The following ASPM variants were observed in gnomAD, a reference collection of about 807,000 sequenced individuals.
The protein encoded by ASPM is assembly factor for spindle microtubules, also known as abnormal spindle-like microcephaly-associated protein.
In ASPM, 256 loss-of-function variants were observed where a neutral mutation model predicts 366.4. The observed-to-expected ratio is 0.70, with a 90% CI of 0.63 to 0.77. The LOEUF is 0.77. Among genes scored for constraint, ASPM ranks in the 30% least tolerant of loss-of-function variants. The pLI is 0.00. For missense variants in ASPM, 4,146 were observed against 4,090.4 expected, an observed-to-expected ratio of 1.01 and a Z score of -0.37; for synonymous variants, 1,414 against 1,342.9, an observed-to-expected ratio of 1.05 and a Z score of -1.16.
Position 197,100,649 on chromosome 1 carries a change from G to A in ASPM, c.8602C>T (p.His2868Tyr). 1.2e-6 allele frequency: 2 copies of A among 1,612,166 alleles called. No homozygotes were observed. Among genetic ancestry groups the A allele is most frequent in the Non-Finnish European group, 1.7e-6 (2 of 1,178,948 alleles). ...QQKRAAITLQ[H>Y]YFRTWQTRKQ... ...CTGGTTTGCCACGTCCTAAAATAATGCTGTAAAGTGATAGCAGCTCTTTTC... is the reference window on the plus strand; with the variant it reads ...CTGGTTTGCCACGTCCTAAAATAATACTGTAAAGTGATAGCAGCTCTTTTC... The change falls in exon 18 of 28, where the codon CAT becomes TAT. Residue 2868 changes from histidine (H) to tyrosine (Y), a missense_variant. His to Tyr is a moderately conservative substitution (Grantham distance 83). This residue lies in a region of ASPM where 3,624 missense variants were observed against 3,591.7 expected (regional missense o/e 1.01). Coordinates refer to ENST00000367409, the MANE Select transcript of ASPM (RefSeq NM_018136.5).
intron 18 of ASPM, 149 bp from the exon 19 acceptor site, chr1:197,096,313 A>T (rs1656974748): frequency 1.4e-6 from 1 of 707,426 alleles, no homozygotes; most frequent in Non-Finnish European, 2.4e-6. Flanking sequence ...AGACTTTGAC[A>T]TGTAATGAGT....
chr1:197,143,018 T>C lies in ASPM; in HGVS notation c.1234A>G (p.Lys412Glu). The change falls in exon 3 of 28, where the codon AAA becomes GAA. Residue 412 changes from lysine (K) to glutamate (E), a missense_variant. By Grantham distance (56) the Lys-to-Glu change is moderately conservative. Transcript: ENST00000367409. ...GAATTTTCATTTGATAATGGTACTT[T>C]ACATGTTTGCTGAGATGTACACATA... ...AYMCTSQQTC[K>E]VPLSNENSQV... The C allele has an allele frequency of 6.2e-7, 1 of 1,613,570 alleles. No individual in the cohort carries two copies. The highest frequency in any genetic ancestry group is 8.5e-7 in the Non-Finnish European group (1 of 1,179,580).
intron 18 of ASPM, among the ~76,000 whole-genome samples, chr1:197,096,445 C>G (rs967625942): frequency 6.6e-6 from 1 of 151,658 alleles, no homozygotes; most frequent in African/African-American, 2.4e-5. Flanking sequence ...AATTGTAAGA[C>G]ACACATGTCT....
At chr1:197,112,207 A>T (rs1387525154) in intron 17 of ASPM, among the ~76,000 whole-genome samples, 1 of 152,176 alleles carries the variant, frequency 6.6e-6, no homozygotes, top group Non-Finnish European at 1.5e-5. Context: ...CGTCCTTTGC[A>T]GGGACATGGA....
At chr1:197,131,637 C>G (rs1658257454) in intron 7 of ASPM, among the ~76,000 whole-genome samples, 2 of 151,070 alleles carry the variant, frequency 1.3e-5, no homozygotes, top group South Asian at 4.2e-4. Context: ...CGGCTAACTG[C>G]AAGCTCCACC....
In ASPM at chr1:197,102,256, C is replaced by T. The variant is rs758752317; in HGVS notation, c.6995G>A (p.Arg2332Gln). ...YRRWMIRKRM[R>Q]EMHRAATFIQ... is the part of the protein sequence containing the mutation. ...GAAAGTAGCAGCCCTGTGCATCTCT[C>T]GCATCCTTTTCCTTATCATCCATCT... is the stretch of plus-strand genomic sequence containing the variant. Residue 2332 changes from arginine (R) to glutamine (Q), a missense_variant, in exon 18 of 28, where the codon CGA becomes CAA. By Grantham distance (43) the Arg-to-Gln change is conservative. This residue lies in a region of ASPM where 3,624 missense variants were observed against 3,591.7 expected (regional missense o/e 1.01). Transcript: ENST00000367409. 2.9e-5 allele frequency: 46 copies of T among 1,612,654 alleles called. No individual in the cohort carries two copies. The East Asian group carries it at 7.4e-4, about 26-fold the overall frequency.
chr1:197,145,845 A>AATATATATATATATATATATATATATAT (rs71131744), intron 1 of ASPM, among the ~76,000 whole-genome samples: 1 of 147,680 alleles, frequency 6.8e-6, no homozygotes, highest in African/African-American at 2.6e-5. Flanking sequence ...TCAATTAGAG[A>AATATATATATATATATATATATATATAT]ATATATATAT....
intron 18 of ASPM, among the ~76,000 whole-genome samples, chr1:197,099,701 A>C (rs1429165098): frequency 6.6e-6 from 1 of 151,734 alleles, no homozygotes; most frequent in Non-Finnish European, 1.5e-5. Flanking sequence ...CTAGCACTTG[A>C]CATTTCTTGA....
chr1:197,088,479 T>C, intron 25 of ASPM, 47 bp from the exon 26 acceptor site: 1 of 1,526,062 alleles, frequency 6.6e-7, no homozygotes, highest in Non-Finnish European at 8.9e-7. Context: ...AACACATACA[T>C]TTACAAACAA....
chr1:197,146,582 A>G lies in ASPM; in HGVS notation c.-145T>C. On this transcript the variant is annotated 5_prime_UTR_variant, in exon 1 of 28. Transcript: ENST00000367409. ...GTGAATTCGGCCCTTTTTCTTTTCCACTAACCTACTCCCTAGAAAACAGAA... is the reference window on the plus strand; with the variant it reads ...GTGAATTCGGCCCTTTTTCTTTTCCGCTAACCTACTCCCTAGAAAACAGAA... The G allele has an allele frequency of 1.2e-6, 1 of 803,290 alleles. No individual in the cohort carries two copies. 49.8% of individuals were successfully genotyped at this position (803,290 alleles called of 1,614,324 possible).
In ASPM at chr1:197,101,991, T is replaced by A; in HGVS notation, c.7260A>T (p.Ser2420=). Residue 2420 remains serine (S), a synonymous_variant, in exon 18 of 28, where the codon TCA becomes TCT. Transcript: ENST00000367409. ...SATLIQSRFR[S]LLVRRRFISL... ...AAATGAATCTTCTCCTCACCAGTAATGATCTAAACCTACTCTGAATAAGGG... is the reference window on the plus strand; with the variant it reads ...AAATGAATCTTCTCCTCACCAGTAAAGATCTAAACCTACTCTGAATAAGGG... The A allele has an allele frequency of 6.2e-7, 1 of 1,612,898 alleles. No individual in the cohort carries two copies.
chr1:197,146,524 T>C lies in ASPM; in HGVS notation c.-87A>G. 1.4e-6 allele frequency: 2 copies of C among 1,474,342 alleles called. No individual in the cohort carries two copies. Among genetic ancestry groups the C allele is most frequent in the Non-Finnish European group, 1.9e-6 (2 of 1,076,966 alleles). The allele number at this position is 1,474,342 out of a possible 1,614,324, so 91.3% of individuals were successfully genotyped here. A position where few individuals can be genotyped will look rare whatever the true frequency, so the allele number is the denominator to read the frequency against. On this transcript the variant is annotated 5_prime_UTR_variant, in exon 1 of 28. Transcript: ENST00000367409. ...GGGATCCGGGACTTACGCTGACCGCTTCCCCTCAGGGGCGGCTGTAGAGGT... is the reference window on the plus strand; with the variant it reads ...GGGATCCGGGACTTACGCTGACCGCCTCCCCTCAGGGGCGGCTGTAGAGGT...
intron 25 of ASPM, among the ~76,000 whole-genome samples, chr1:197,089,324 G>T (rs1445608243): frequency 6.6e-6 from 1 of 151,914 alleles, no homozygotes; most frequent in African/African-American, 2.4e-5. Flanking sequence ...AATATAGTTT[G>T]GAATAGTCCA....
chr1:197,091,822 A>G, intron 22 of ASPM, 85 bp downstream of exon 22: 1 of 1,402,436 alleles, frequency 7.1e-7, no homozygotes, highest in South Asian at 1.2e-5. Flanking sequence ...CTTAGCATAA[A>G]GCATTTGGAA....
intron 17 of ASPM, among the ~76,000 whole-genome samples, chr1:197,106,944 A>G (rs1236925274): frequency 1.3e-5 from 2 of 152,068 alleles, no homozygotes; most frequent in African/African-American, 4.8e-5. Flanking sequence ...TTAACAGCCC[A>G]ATTCTTCATC....
rs1057523398 is a variant in ASPM, at chr1:197,090,860, A to G, written c.9626T>C (p.Ile3209Thr). ...ACAAGTTTCAATTACCTGAATTTTAATGATTCCACTAGTGAATTTTTCCTG... is the reference window on the plus strand; with the variant it reads ...ACAAGTTTCAATTACCTGAATTTTAGTGATTCCACTAGTGAATTTTTCCTG... Reference protein sequence around the residue: ...KKQEKFTSGIIKIQALWRGYS... With the variant: ...KKQEKFTSGITKIQALWRGYS... The change falls in exon 23 of 28, where the codon ATT (isoleucine) becomes ACT (threonine). Residue 3209 changes from isoleucine to threonine, a missense_variant. Transcript: ENST00000367409. 9.9e-6 allele frequency: 16 copies of G among 1,612,654 alleles called. No individual in the cohort carries two copies. The South Asian group carries it at 1.5e-4, about 15-fold the overall frequency.
Position 197,142,956 on chromosome 1 carries a change from A to G in ASPM, c.1296T>C (p.Ser432=). Residue 432 remains serine, a synonymous_variant, in exon 3 of 28, where the codon AGT becomes AGC. Coordinates refer to ENST00000367409, the MANE Select transcript of ASPM (RefSeq NM_018136.5). ...VPQSPEDWRK[S]EVSPRIPECQ... is the part of the protein sequence containing the mutation. ...ATTCAGGAATACGTGGCGAAACTTCACTTTTTCTCCAATCTTCAGGAGACT... is the reference window on the plus strand; with the variant it reads ...ATTCAGGAATACGTGGCGAAACTTCGCTTTTTCTCCAATCTTCAGGAGACT... The G allele has an allele frequency of 6.2e-7, 1 of 1,613,954 alleles. No individual in the cohort carries two copies. The highest frequency in any genetic ancestry group is 1.1e-5 in the South Asian group (1 of 91,078).
At chr1:197,116,789 AAT>A (rs1657750656) in intron 17 of ASPM, among the ~76,000 whole-genome samples, 1 of 152,076 alleles carries the variant, frequency 6.6e-6, no homozygotes, top group African/African-American at 2.4e-5. Context: ...CAAAAAATGT[AAT>A]AATATCAAAT....
chr1:197,090,121 T>G, intron 24 of ASPM, 37 bp from the exon 25 acceptor site: 1 of 1,612,880 alleles, frequency 6.2e-7, no homozygotes, highest in Non-Finnish European at 8.5e-7. Context: ...ACAGGTAAAT[T>G]TACAGCAACA....
Sources: allele counts gnomAD v4.1 joint callset (sites outside exome capture counted in the v4.1 genomes callset), GRCh38; gene constraint gnomAD v4.1.1; regional missense constraint gnomAD v4.1.1; transcripts MANE v1.5; gene names NCBI Gene and HGNC (gene_info 2026-07-23, HGNC 2026-07-21).